The following ROBO1 variants were observed in gnomAD, a reference collection of about 807,000 sequenced individuals.
ROBO1 encodes roundabout homolog 1.
Under a neutral mutation model 195.9 loss-of-function variants are expected in ROBO1, and 149 were observed. The observed-to-expected ratio is 0.76, with a 90% CI of 0.67 to 0.87. The LOEUF is 0.87. ROBO1 is among the 40% of genes least tolerant of loss of function. The pLI is 0.00. For missense variants in ROBO1, 1,933 were observed against 2,068.3 expected, an observed-to-expected ratio of 0.93 and a Z score of 1.27; for synonymous variants, 816 against 733.2, an observed-to-expected ratio of 1.11 and a Z score of -1.82.
intron 4 of ROBO1, among the ~76,000 whole-genome samples, chr3:78,808,764 TA>T (rs1185754791): frequency 6.6e-6 from 1 of 152,126 alleles, no homozygotes; most frequent in Admixed American, 6.6e-5. Flanking sequence ...CCCTATATAA[TA>T]AATGGTGTTG....
At chr3:79,537,404 G>C (rs1941914082) in intron 2 of ROBO1, among the ~76,000 whole-genome samples, 1 of 152,120 alleles carries the variant, frequency 6.6e-6, no homozygotes, top group South Asian at 2.1e-4. Flanking sequence ...GGGAATCTCT[G>C]AGAGACTGTG....
chr3:79,098,026 A>C (rs2079603425), intron 3 of ROBO1, among the ~76,000 whole-genome samples: 3 of 151,814 alleles, frequency 2.0e-5, no homozygotes, highest in Admixed American at 2.0e-4. Flanking sequence ...TATACTTATA[A>C]GAGTTACTCA....
chr3:79,157,254 T>C (rs2080875464), intron 2 of ROBO1, among the ~76,000 whole-genome samples: 1 of 151,898 alleles, frequency 6.6e-6, no homozygotes, highest in South Asian at 2.1e-4. Flanking sequence ...TTTTTTAGTG[T>C]CTACCATCAT....
intron 26 of ROBO1, 22 bp from the exon 27 acceptor site, chr3:78,618,063 G>A: frequency 6.3e-7 from 1 of 1,578,232 alleles, no homozygotes. Context: ...TGAATAAATA[G>A]GTCTGGCTCA....
intron 2 of ROBO1, among the ~76,000 whole-genome samples, chr3:79,364,559 C>T (rs566007365): frequency 1.3e-5 from 2 of 152,006 alleles, no homozygotes; most frequent in Non-Finnish European, 2.9e-5. Context: ...ACTAATTAAT[C>T]TTTTCTTCTC....
At chr3:79,121,458 G>T (rs1298639157) in intron 3 of ROBO1, among the ~76,000 whole-genome samples, 1 of 151,780 alleles carries the variant, frequency 6.6e-6, no homozygotes, top group African/African-American at 2.4e-5. Context: ...TTTAATAAGA[G>T]AATATATTTT....
intron 3 of ROBO1, among the ~76,000 whole-genome samples, chr3:78,967,259 T>C (rs896664856): frequency 5.9e-5 from 9 of 152,160 alleles, no homozygotes; most frequent in African/African-American, 2.2e-4. Flanking sequence ...TGTGACTCAC[T>C]GGCTTCTCAT....
chr3:78,799,104 CTT>C, intron 4 of ROBO1, among the ~76,000 whole-genome samples: 1 of 152,130 alleles, frequency 6.6e-6, no homozygotes. Context: ...GAATTCTTCT[CTT>C]TGATTGCTAC....
chr3:79,531,091 T>G (rs1941641243), intron 2 of ROBO1, among the ~76,000 whole-genome samples: 1 of 152,126 alleles, frequency 6.6e-6, no homozygotes, highest in Non-Finnish European at 1.5e-5. Context: ...TTGACTTGGT[T>G]GGTAGCTACT....
chr3:79,384,703 A>C (rs2036678850), intron 2 of ROBO1, among the ~76,000 whole-genome samples: 1 of 152,036 alleles, frequency 6.6e-6, no homozygotes, highest in South Asian at 2.1e-4. Context: ...TAGATGTTGC[A>C]TTACAATCTG....
intron 5 of ROBO1, among the ~76,000 whole-genome samples, chr3:78,718,811 GGAGGGAGAGAGGGAGAGAGGGAGA>G (rs1303977498): frequency 1.6e-5 from 2 of 127,458 alleles, no homozygotes; most frequent in African/African-American, 6.5e-5. Flanking sequence ...AGGAAGGGAG[GGAGGGAGAGAGGGAGAGAGGGAGA>G]GAGGGAGGGA....
intron 2 of ROBO1, among the ~76,000 whole-genome samples, chr3:79,504,184 T>C (rs1940269720): frequency 6.6e-6 from 1 of 152,180 alleles, no homozygotes; most frequent in South Asian, 2.1e-4. Flanking sequence ...AAGGGCATTA[T>C]ATTTGAAAAG....
chr3:79,257,592 G>C (rs943392263), intron 2 of ROBO1, among the ~76,000 whole-genome samples: 2 of 152,032 alleles, frequency 1.3e-5, no homozygotes, highest in Non-Finnish European at 2.9e-5. Flanking sequence ...TAGAGTTGGG[G>C]TTGTTCACAT....
chr3:79,479,133 A>G (rs1048178826), intron 2 of ROBO1, among the ~76,000 whole-genome samples: 1 of 152,216 alleles, frequency 6.6e-6, no homozygotes, highest in Non-Finnish European at 1.5e-5. Context: ...ATCAAGAAAT[A>G]AATGATAATG....
chr3:79,202,621 A>G (rs200724076), intron 2 of ROBO1, among the ~76,000 whole-genome samples: 4 of 151,964 alleles, frequency 2.6e-5, no homozygotes, highest in African/African-American at 4.8e-5. Flanking sequence ...AAAAAAAAAA[A>G]AGAGAAATAC....
At chr3:78,884,621 G>GAAAGAA (rs1489414577) in intron 4 of ROBO1, among the ~76,000 whole-genome samples, 1 of 120,906 alleles carries the variant, frequency 8.3e-6, no homozygotes, top group African/African-American at 3.3e-5. Context: ...GAGAAAGAAA[G>GAAAGAA]AGAGAAAGAA....
chr3:78,700,856 C>T (rs569100182), intron 8 of ROBO1, among the ~76,000 whole-genome samples: 6 of 151,986 alleles, frequency 3.9e-5, no homozygotes, highest in South Asian at 2.1e-4. Context: ...CTCCACCTCC[C>T]GGGTTCAAGT....
At chr3:79,548,174 C>A (rs1453888509) in intron 2 of ROBO1, among the ~76,000 whole-genome samples, 1 of 152,118 alleles carries the variant, frequency 6.6e-6, no homozygotes, top group Non-Finnish European at 1.5e-5. Context: ...ACTTCCTCAC[C>A]CAAGGAGACA....
At chr3:78,952,310 T>C (rs1479804234) in intron 3 of ROBO1, among the ~76,000 whole-genome samples, 1 of 150,594 alleles carries the variant, frequency 6.6e-6, no homozygotes, top group Non-Finnish European at 1.5e-5. Context: ...AGACAATTAA[T>C]AGAGAATTTG....
Sources: allele counts gnomAD v4.1 joint callset (sites outside exome capture counted in the v4.1 genomes callset), GRCh38; gene constraint gnomAD v4.1.1; transcripts MANE v1.5; gene names NCBI Gene and HGNC (gene_info 2026-07-23, HGNC 2026-07-21).